Variants in USP40 observed in about 807,000 individuals in gnomAD.
The protein encoded by USP40 is ubiquitin specific peptidase 40, also known as ubiquitin carboxyl-terminal hydrolase 40.
In USP40, 143 loss-of-function variants were observed where a neutral mutation model predicts 166.2. The ratio of observed to expected loss-of-function variants is 0.86; its 90% CI spans 0.75 to 0.99. The LOEUF is 0.99. Ranked by LOEUF, USP40 falls within the 50% of genes least tolerant of loss-of-function variation. USP40 has a pLI of 0.00. For missense variants in USP40, 1,444 were observed against 1,479.7 expected, an observed-to-expected ratio of 0.98 and a Z score of 0.40; for synonymous variants, 498 against 524.0, an observed-to-expected ratio of 0.95 and a Z score of 0.68.
Position 233,486,047 on chromosome 2 carries a change from A to C in USP40, c.3198-70T>G. 1 of 1,468,660 alleles carries C rather than the reference A, an allele frequency of 6.8e-7. No individual in the cohort carries two copies. The highest frequency in any genetic ancestry group is 1.3e-5 in the South Asian group (1 of 76,472). The allele number at this position is 1,468,660 out of a possible 1,614,324, so 91.0% of individuals were successfully genotyped here. A position where few individuals can be genotyped will look rare whatever the true frequency, so the allele number is the denominator to read the frequency against. ...AAACCACGTGGTAACTTGAGGCATAATGGGCAAAGCTTCTCCTCCAGCTTT... is the reference window on the plus strand; with the variant it reads ...AAACCACGTGGTAACTTGAGGCATACTGGGCAAAGCTTCTCCTCCAGCTTT... On this transcript the variant is annotated intron_variant, in intron 28 of 31. Coordinates refer to ENST00000678225, the MANE Select transcript of USP40 (RefSeq NM_001365479.2). This position sits in a 1 kb window ranked among gnomAD's most constrained non-coding sequence, Gnocchi z 4.0.
chr2:233,522,404 A>G (rs954644911), intron 16 of USP40, among the ~76,000 whole-genome samples: 7 of 152,220 alleles, frequency 4.6e-5, no homozygotes, highest in African/African-American at 1.7e-4. Flanking sequence ...CCTGTCCAAA[A>G]GAGTAATAGT....
At chr2:233,527,935 C>T (rs2068162995) in intron 12 of USP40, among the ~76,000 whole-genome samples, 1 of 151,794 alleles carries the variant, frequency 6.6e-6, no homozygotes, top group Admixed American at 6.6e-5. Context: ...ACTTCCATGT[C>T]ATCTATCATC....
rs944254651 is a variant in USP40, at chr2:233,504,635, T to C, written c.2614-4720A>G. Among the ~76,000 whole-genome samples, 5 of 151,942 alleles carry C rather than the reference T, an allele frequency of 3.3e-5. No individual in the cohort carries two copies. The East Asian group carries it at 9.6e-4, about 29-fold the overall frequency. On this transcript the variant is annotated intron_variant, in intron 21 of 31. Coordinates refer to ENST00000678225, the MANE Select transcript of USP40 (RefSeq NM_001365479.2). ...CATTATTATGTCATTTATAATGATA[T>C]AAAGGGATTCAATGAGAGGATATAA...
At chr2:233,527,259 T>C in intron 13 of USP40, 148 bp downstream of exon 13, 1 of 831,160 alleles carries the variant, frequency 1.2e-6, no homozygotes, top group Non-Finnish European at 1.7e-6. Flanking sequence ...GGAGAGAAGA[T>C]TTGGGTCAAC....
intron 31 of USP40, among the ~76,000 whole-genome samples, chr2:233,479,628 C>CGTGTGT (rs72454809): frequency 0.015 from 2,137 of 145,462 alleles, 31 homozygotes; most frequent in East Asian, 0.073. Context: ...TAGAATTTTA[C>CGTGTGT]GTGTGTGTGT....
rs761109081 is a variant in USP40, at chr2:233,551,489, GA to G, written c.723del (p.Thr243LeufsTer5). On this transcript the variant is annotated frameshift_variant, in exon 7 of 32. Coordinates refer to ENST00000678225, the MANE Select transcript of USP40 (RefSeq NM_001365479.2). LOFTEE classifies it high-confidence loss of function. ...TTAAATCTTAGTAATGAAACAGTAA[GA>G]AAAGGAGGCAGCTTACGTAATTTGG... ...KSAKLRKLPP[F>X]LTVSLLRFNF... 1 of 1,604,288 alleles carries G rather than the reference GA, an allele frequency of 6.2e-7. No individual in the cohort carries two copies. The highest frequency in any genetic ancestry group is 8.5e-7 in the Non-Finnish European group (1 of 1,176,474).
intron 12 of USP40, 127 bp from the exon 13 acceptor site, chr2:233,527,705 A>G (rs2068137835): frequency 1.3e-6 from 1 of 799,578 alleles, no homozygotes; most frequent in Non-Finnish European, 1.9e-6. Context: ...TTTTTCTTCT[A>G]TGTGCCACAA....
intron 30 of USP40, among the ~76,000 whole-genome samples, chr2:233,482,132 C>T (rs1029760737): frequency 5.9e-5 from 9 of 152,066 alleles, no homozygotes; most frequent in Non-Finnish European, 7.4e-5. Flanking sequence ...AGGAACATGT[C>T]GTGTCAAGTA....
intron 8 of USP40, among the ~76,000 whole-genome samples, chr2:233,548,045 G>C (rs1414514206): frequency 6.6e-6 from 1 of 152,032 alleles, no homozygotes; most frequent in Non-Finnish European, 1.5e-5. Context: ...GAATAGAATA[G>C]AGAGCTGAAA....
intron 8 of USP40, among the ~76,000 whole-genome samples, chr2:233,543,872 C>T (rs1330340038): frequency 1.3e-5 from 2 of 152,196 alleles, no homozygotes; most frequent in African/African-American, 4.8e-5. Context: ...CCATACAGGG[C>T]AGAGTTGGGG....
chr2:233,485,273 T>A (rs1367009327), intron 30 of USP40, among the ~76,000 whole-genome samples: 1 of 152,234 alleles, frequency 6.6e-6, no homozygotes, highest in Non-Finnish European at 1.5e-5. Context: ...TGCTAGTATT[T>A]TACTTAGAAT....
chr2:233,540,775 G>T lies in USP40; in HGVS notation c.1063-6C>A. On this transcript the variant is annotated splice_region_variant and splice_polypyrimidine_tract_variant and intron_variant, in intron 9 of 31. Transcript: ENST00000678225. ...GGAATTAGATTATTCTCCTCCTTAT[G>T]AGAGAAACACAGTCACTCAAGAAAA... is the stretch of plus-strand genomic sequence containing the variant. 1 of 1,603,246 alleles carries T rather than the reference G, an allele frequency of 6.2e-7. No homozygotes were observed.
intron 6 of USP40, among the ~76,000 whole-genome samples, chr2:233,552,019 C>T (rs1195393456): frequency 6.6e-6 from 1 of 151,958 alleles, no homozygotes; most frequent in Non-Finnish European, 1.5e-5. Context: ...TCTAACTTCC[C>T]CAAGGGCTAA....
intron 12 of USP40, among the ~76,000 whole-genome samples, chr2:233,527,944 T>A (rs1048918981): frequency 2.0e-5 from 3 of 151,956 alleles, no homozygotes; most frequent in African/African-American, 7.3e-5. Flanking sequence ...TCATCTATCA[T>A]CCTTATTTCC....
Position 233,517,638 on chromosome 2 carries a change from C to T in USP40, c.2383+1976G>A, listed in dbSNP as rs1263124150. On this transcript the variant is annotated intron_variant, in intron 18 of 31. Transcript: ENST00000678225. The stretch of plus-strand genomic sequence containing the variant: ...TCCTGACCTTGTGGTCTCCCCGCCT[C>T]GGCCTCCCAAAGTGCTGGGATTACA... Among the ~76,000 whole-genome samples the T allele has an allele frequency of 5.3e-5, 8 of 152,222 alleles. No individual in the cohort carries two copies. In the South Asian group the frequency reaches 8.3e-4, roughly 16 times the overall value.
At position 233,499,924 on chromosome 2, in the gene USP40, A is replaced by G; in HGVS notation, c.2614-9T>C. On this transcript the variant is annotated splice_polypyrimidine_tract_variant and intron_variant, in intron 21 of 31. Transcript: ENST00000678225. Reference sequence around the variant, plus strand: ...AGCATTAACTTTAAACACTGTAAAGAAAAACAATGTCCAATGTTAGTTTTC... The same window carrying G: ...AGCATTAACTTTAAACACTGTAAAGGAAAACAATGTCCAATGTTAGTTTTC... The G allele has an allele frequency of 6.2e-7, 1 of 1,611,246 alleles. No individual in the cohort carries two copies. The highest frequency in any genetic ancestry group is 8.5e-7 in the Non-Finnish European group (1 of 1,178,532).
At chr2:233,508,695 T>C (rs1179308386) in intron 21 of USP40, among the ~76,000 whole-genome samples, 1 of 152,202 alleles carries the variant, frequency 6.6e-6, no homozygotes, top group East Asian at 1.9e-4. Flanking sequence ...GGAATATGTT[T>C]ATAAATAAAA....
At chr2:233,481,145 A>G in intron 31 of USP40, 58 bp downstream of exon 31, 1 of 1,468,024 alleles carries the variant, frequency 6.8e-7, no homozygotes, top group Non-Finnish European at 9.3e-7. Flanking sequence ...AAGCAGGAAT[A>G]AGAGAGAGTC....
rs773633114 is a variant in USP40 at position 233,493,490 on chromosome 2, C to T, written c.2852G>A (p.Ser951Asn). ...QLQGPSGHWE[S>N]HQDQTNCTSS... Reference sequence around the variant, plus strand: ...AGTACAGTTGGTCTGGTCCTGATGACTCTCCCAGTGTCCTGAGGGACCCTG... The same window carrying T: ...AGTACAGTTGGTCTGGTCCTGATGATTCTCCCAGTGTCCTGAGGGACCCTG... The change falls in exon 25 of 32, where the codon AGT becomes AAT. Residue 951 changes from serine to asparagine, a missense_variant. Ser to Asn is a conservative substitution (Grantham distance 46). Coordinates refer to ENST00000678225, the MANE Select transcript of USP40 (RefSeq NM_001365479.2). The surrounding 1 kb of genome is among the most constrained non-coding windows in gnomAD (Gnocchi z 4.7). 1 of 1,613,892 alleles carries T rather than the reference C, an allele frequency of 6.2e-7. No homozygotes were observed. Among genetic ancestry groups the T allele is most frequent in the South Asian group, 1.1e-5 (1 of 91,050 alleles).
Sources: gnomAD v4.1 joint callset for allele counts (sites outside exome capture counted in the v4.1 genomes callset) on GRCh38, gnomAD v4.1.1 for gene constraint, Gnocchi (gnomAD v3.1) non-coding constraint, MANE v1.5 for transcripts, NCBI Gene and HGNC (gene_info 2026-07-23, HGNC 2026-07-21) for gene names.